The following SEC24D variants were observed in gnomAD, a reference collection of about 807,000 sequenced individuals.
The protein encoded by SEC24D is SEC24 homolog D, COPII component, also known as protein transport protein Sec24D.
SEC24D carries 69 observed loss-of-function variants against 116.9 expected under a neutral mutation model. The observed-to-expected ratio is 0.59, with a 90% CI of 0.49 to 0.72. The LOEUF (loss-of-function observed/expected upper bound fraction) is 0.72, where lower values mean the gene tolerates loss of function less well. Ranked by LOEUF, SEC24D falls within the 30% of genes least tolerant of loss-of-function variation. The pLI is 0.00. For synonymous variants in SEC24D, 405 were observed against 442.8 expected (o/e 0.91, Z 1.07); for missense variants, 1,131 against 1,264.1 (o/e 0.89, Z 1.60).
At chr4:118,732,035 A>G (rs542536673) in intron 20 of SEC24D, among the ~76,000 whole-genome samples, 2 of 140,904 alleles carry the variant, frequency 1.4e-5, no homozygotes, top group South Asian at 2.6e-4. Context: ...GAAGATTTCT[A>G]GAAGGGAGGG....
chr4:118,818,183 CG>C (rs1730235258), intron 3 of SEC24D, among the ~76,000 whole-genome samples: 2 of 152,152 alleles, frequency 1.3e-5, no homozygotes, highest in Admixed American at 1.3e-4. Context: ...CTGCCAAATG[CG>C]ATTAAAGCCT....
chr4:118,729,588 TTAGA>T (rs1176422055), intron 21 of SEC24D: 9 of 152,214 alleles, frequency 5.9e-5, no homozygotes, highest in Non-Finnish European at 8.8e-5. Flanking sequence ...ATGCAGCGTC[TTAGA>T]TAGCCCAGAA....
At chr4:118,822,114 T>C (rs1730426368) in intron 3 of SEC24D, among the ~76,000 whole-genome samples, 1 of 152,182 alleles carries the variant, frequency 6.6e-6, no homozygotes, top group Non-Finnish European at 1.5e-5. Flanking sequence ...ATGGAAATGA[T>C]ATTGACAAAT....
At chr4:118,825,669 T>C (rs1348579082) in intron 2 of SEC24D, 1 of 419,850 alleles carries the variant, frequency 2.4e-6, no homozygotes, top group Admixed American at 3.3e-5. Context: ...TTCTAGCTTC[T>C]AGAAAGAAAA....
At chr4:118,816,220 T>C (rs1437693592) in intron 4 of SEC24D, among the ~76,000 whole-genome samples, 3 of 151,220 alleles carry the variant, frequency 2.0e-5, no homozygotes, top group Non-Finnish European at 1.5e-5. Flanking sequence ...TGAGCCACCA[T>C]GCCTGGCCTG....
chr4:118,751,282 G>A (rs566862159), intron 13 of SEC24D, among the ~76,000 whole-genome samples: 83 of 148,586 alleles, frequency 5.6e-4, no homozygotes, highest in African/African-American at 1.9e-3. Flanking sequence ...GGGTTCAAAC[G>A]ATTCTCCCAC....
At chr4:118,756,063 G>C (rs1372516703) in intron 11 of SEC24D, among the ~76,000 whole-genome samples, 2 of 152,122 alleles carry the variant, frequency 1.3e-5, no homozygotes, top group African/African-American at 4.8e-5. Context: ...AGGGACTGGT[G>C]AAGTAACTGT....
intron 3 of SEC24D, among the ~76,000 whole-genome samples, chr4:118,821,404 AATATC>A (rs1366831202): frequency 6.6e-6 from 1 of 152,214 alleles, no homozygotes; most frequent in Non-Finnish European, 1.5e-5. Flanking sequence ...GATTTTATTT[AATATC>A]CTACCCAGTA....
At chr4:118,826,813 TC>T (rs1730609478) in intron 2 of SEC24D, among the ~76,000 whole-genome samples, 1 of 152,186 alleles carries the variant, frequency 6.6e-6, no homozygotes, top group Admixed American at 6.5e-5. Context: ...TGTTTGGGAA[TC>T]AACTCTATGG....
rs1270612530 is a variant in SEC24D at position 118,732,793 on chromosome 4, C to A, written c.2616G>T (p.Leu872=). Residue 872 remains leucine (L), a synonymous_variant, in exon 20 of 23, where the codon CTG becomes CTT. Coordinates refer to ENST00000280551, the MANE Select transcript of SEC24D (RefSeq NM_014822.4). ...STDERAYQRQ[L]VMTMGVADSQ... ...AGTCAGCCACACCCATGGTCATGACCAGCTGTCTCTGGTATGCTCGTTCAT... is the reference window on the plus strand; with the variant it reads ...AGTCAGCCACACCCATGGTCATGACAAGCTGTCTCTGGTATGCTCGTTCAT... 2 of 1,613,986 alleles carry A rather than the reference C, an allele frequency of 1.2e-6. No homozygotes were observed. The highest frequency in any genetic ancestry group is 2.7e-5 in the African/African-American group (2 of 74,912).
intron 9 of SEC24D, 97 bp downstream of exon 9, chr4:118,768,076 A>C: frequency 9.7e-7 from 1 of 1,029,882 alleles, no homozygotes; most frequent in South Asian, 1.7e-5. Context: ...ACTGCTATAT[A>C]GCAGAAAAAA....
At chr4:118,773,978 CAT>C (rs1178824959) in intron 8 of SEC24D, among the ~76,000 whole-genome samples, 4 of 152,134 alleles carry the variant, frequency 2.6e-5, no homozygotes, top group Admixed American at 6.6e-5. Flanking sequence ...AAAATCCTAT[CAT>C]GTGTCTTCTA....
chr4:118,794,108 A>C (rs547097300), intron 8 of SEC24D, among the ~76,000 whole-genome samples: 1 of 152,362 alleles, frequency 6.6e-6, no homozygotes, highest in African/African-American at 2.4e-5. Flanking sequence ...GTTAAAACAA[A>C]CAACTTTGGA....
intron 11 of SEC24D, 61 bp from the exon 12 acceptor site, chr4:118,752,949 T>A: frequency 8.0e-7 from 1 of 1,251,578 alleles, no homozygotes; most frequent in Non-Finnish European, 1.1e-6. Context: ...AGGAGGTTTC[T>A]ATCTGAAATT....
chr4:118,782,537 G>C (rs955440595), intron 8 of SEC24D, among the ~76,000 whole-genome samples: 1 of 152,214 alleles, frequency 6.6e-6, no homozygotes. Context: ...TGTCTCCCCA[G>C]TTAGGCTACA....
chr4:118,781,918 T>C (rs571538261), intron 8 of SEC24D, among the ~76,000 whole-genome samples: 4 of 152,322 alleles, frequency 2.6e-5, no homozygotes, highest in Admixed American at 6.5e-5. Context: ...TTTCGCACCA[T>C]GGTTTTCAGC....
intron 10 of SEC24D, among the ~76,000 whole-genome samples, chr4:118,762,860 G>A (rs1727456149): frequency 6.6e-6 from 1 of 152,118 alleles, no homozygotes; most frequent in African/African-American, 2.4e-5. Flanking sequence ...AGATAACAGA[G>A]TTTGAAGATA....
chr4:118,777,004 A>G (rs1254913019), intron 8 of SEC24D, among the ~76,000 whole-genome samples: 7 of 152,212 alleles, frequency 4.6e-5, no homozygotes, highest in Admixed American at 1.3e-4. Flanking sequence ...TCTCTGGCAG[A>G]ATTATAAATT....
intron 15 of SEC24D, among the ~76,000 whole-genome samples, chr4:118,743,006 G>GA (rs1726311405): frequency 1.3e-5 from 2 of 152,102 alleles, no homozygotes; most frequent in Non-Finnish European, 2.9e-5. Context: ...CTGTGCCGGG[G>GA]CGCATAAGTT....
Sources: allele counts gnomAD v4.1 joint callset (sites outside exome capture counted in the v4.1 genomes callset), GRCh38; gene constraint gnomAD v4.1.1; transcripts MANE v1.5; gene names NCBI Gene and HGNC (gene_info 2026-07-23, HGNC 2026-07-21).